Variants in CACNA2D3 observed in about 807,000 individuals in gnomAD.
The protein encoded by CACNA2D3 is calcium voltage-gated channel auxiliary subunit alpha2delta 3.
A neutral mutation model predicts 160.6 loss-of-function variants in CACNA2D3; 60 were observed. The observed-to-expected ratio is 0.37, with a 90% CI of 0.30 to 0.46. The LOEUF is 0.46. Among genes scored for constraint, CACNA2D3 ranks in the 20% least tolerant of loss-of-function variants. The pLI, the probability that CACNA2D3 is intolerant of heterozygous loss-of-function variation, is 1.00. For missense variants in CACNA2D3, 1,205 were observed against 1,365.0 expected, an observed-to-expected ratio of 0.88 and a Z score of 1.85; for synonymous variants, 558 against 492.9, an observed-to-expected ratio of 1.13 and a Z score of -1.75.
intron 14 of CACNA2D3, among the ~76,000 whole-genome samples, chr3:54,822,790 C>CTTTCTTTCTTTCTTT (rs1491160047): frequency 1.3e-4 from 9 of 71,958 alleles, no homozygotes; most frequent in South Asian, 5.4e-4. Context: ...TTCTTTCTTT[C>CTTTCTTTCTTTCTTT]CTTTCTTTCT....
intron 9 of CACNA2D3, 84 bp from the exon 10 acceptor site, chr3:54,627,703 C>A: frequency 1.2e-6 from 1 of 813,886 alleles, no homozygotes; most frequent in Admixed American, 2.0e-5. Context: ...ATTGGTCTTG[C>A]CATGGCGTAC....
At chr3:54,262,444 C>T (rs1464494862) in intron 2 of CACNA2D3, among the ~76,000 whole-genome samples, 2 of 152,162 alleles carry the variant, frequency 1.3e-5, no homozygotes, top group South Asian at 2.1e-4. Context: ...GCATTTATTC[C>T]TCTGCATCAC....
chr3:54,503,612 A>G lies in CACNA2D3; in HGVS notation c.502A>G (p.Ser168Gly). Residue 168 changes from serine to glycine, a missense_variant, in exon 5 of 38, where the codon AGT becomes GGT. Physicochemically the swap from Ser to Gly is moderately conservative, Grantham distance 56. Transcript: ENST00000474759. ...DHFNNLPVNI[S>G]LSDVQVPTNM... The stretch of plus-strand genomic sequence containing the variant: ...TTTTAATAATTTGCCTGTGAACATC[A>G]GTCTAAGTGACGTCCAAGTACCAAC... 3.1e-6 allele frequency: 5 copies of G among 1,613,940 alleles called. No homozygotes were observed. The highest frequency in any genetic ancestry group is 4.2e-6 in the Non-Finnish European group (5 of 1,179,816).
chr3:54,415,035 G>T (rs72973120), intron 4 of CACNA2D3, among the ~76,000 whole-genome samples: 1 of 151,868 alleles, frequency 6.6e-6, no homozygotes, highest in Admixed American at 6.6e-5. Flanking sequence ...TGTAAAGGGG[G>T]CATTTGGGGA....
intron 4 of CACNA2D3, among the ~76,000 whole-genome samples, chr3:54,428,223 A>G (rs1699937233): frequency 1.3e-5 from 2 of 152,216 alleles, no homozygotes; most frequent in Non-Finnish European, 2.9e-5. Context: ...TCGGCTGCAC[A>G]CAACAGTTAG....
At chr3:54,123,481 T>C (rs781666182) in intron 1 of CACNA2D3, 32 bp from the exon 2 acceptor site, 1 of 1,520,056 alleles carries the variant, frequency 6.6e-7, no homozygotes, top group South Asian at 1.1e-5. Context: ...ACACGGGTGT[T>C]ACATATCTTC....
intron 35 of CACNA2D3, among the ~76,000 whole-genome samples, chr3:55,052,532 A>G (rs1350524382): frequency 6.6e-6 from 1 of 151,958 alleles, no homozygotes; most frequent in Non-Finnish European, 1.5e-5. Context: ...CTATATTCTT[A>G]CAGATTTTCT....
chr3:54,964,920 C>T (rs1401293330), intron 27 of CACNA2D3, among the ~76,000 whole-genome samples: 2 of 152,006 alleles, frequency 1.3e-5, no homozygotes, highest in South Asian at 2.1e-4. Context: ...TCTCATTCTC[C>T]CATTTCCCAT....
At chr3:54,605,675 A>C (rs1698592622) in intron 9 of CACNA2D3, among the ~76,000 whole-genome samples, 1 of 152,116 alleles carries the variant, frequency 6.6e-6, no homozygotes, top group African/African-American at 2.4e-5. Flanking sequence ...CTAGTATGTA[A>C]GTTCTATGAG....
At position 54,677,139 on chromosome 3, in the gene CACNA2D3, T is replaced by C. The variant is rs566312962; in HGVS notation, c.1167+34898T>C. ...TACATGATTAAGTTTACAAGCTTTT[T>C]TTGTGCCCCCCAAATATGTAACTTT... is the stretch of plus-strand genomic sequence containing the variant. On this transcript the variant is annotated intron_variant, in intron 11 of 37. Coordinates refer to ENST00000474759, the MANE Select transcript of CACNA2D3 (RefSeq NM_018398.3). 7.2e-5 allele frequency among the ~76,000 whole-genome samples: 11 copies of C among 152,360 alleles called. No individual in the cohort carries two copies. The South Asian group carries it at 2.3e-3, about 32-fold the overall frequency.
chr3:54,414,422 A>G (rs1432788073), intron 4 of CACNA2D3, among the ~76,000 whole-genome samples: 2 of 152,138 alleles, frequency 1.3e-5, no homozygotes, highest in Non-Finnish European at 2.9e-5. Context: ...TACAGTAATG[A>G]TAATTGATAA....
chr3:54,474,921 A>T (rs1304653787), intron 4 of CACNA2D3, among the ~76,000 whole-genome samples: 1 of 152,172 alleles, frequency 6.6e-6, no homozygotes, highest in East Asian at 1.9e-4. Context: ...ATGCCTCTGT[A>T]ATCCAGTGGT....
At chr3:54,411,131 C>A (rs1302235401) in intron 4 of CACNA2D3, among the ~76,000 whole-genome samples, 1 of 152,120 alleles carries the variant, frequency 6.6e-6, no homozygotes, top group African/African-American at 2.4e-5. Context: ...GAATGAGAAG[C>A]TGATTCTTAT....
chr3:54,212,263 A>G (rs952337223), intron 2 of CACNA2D3, among the ~76,000 whole-genome samples: 1 of 152,164 alleles, frequency 6.6e-6, no homozygotes, highest in African/African-American at 2.4e-5. Flanking sequence ...GACATAATAC[A>G]TCAATCAGTA....
intron 26 of CACNA2D3, 114 bp downstream of exon 26, chr3:54,896,984 A>G: frequency 7.4e-7 from 1 of 1,351,316 alleles, no homozygotes; most frequent in Non-Finnish European, 1.0e-6. Context: ...TTCAACCCTC[A>G]GAGCCAGTGC....
intron 4 of CACNA2D3, among the ~76,000 whole-genome samples, chr3:54,415,763 T>C (rs1699744619): frequency 6.6e-6 from 1 of 152,170 alleles, no homozygotes; most frequent in Non-Finnish European, 1.5e-5. Flanking sequence ...AGAGGCCAAG[T>C]GATGGACCCA....
intron 35 of CACNA2D3, among the ~76,000 whole-genome samples, chr3:55,032,523 C>G (rs1347626056): frequency 2.0e-5 from 3 of 152,166 alleles, no homozygotes; most frequent in African/African-American, 7.2e-5. Flanking sequence ...CTTCCTCCCC[C>G]ATTAAACCAA....
chr3:54,963,237 C>G (rs1702072306), intron 27 of CACNA2D3, among the ~76,000 whole-genome samples: 1 of 152,160 alleles, frequency 6.6e-6, no homozygotes, highest in Non-Finnish European at 1.5e-5. Context: ...TCTAAACCCC[C>G]TATACCTAAG....
intron 11 of CACNA2D3, among the ~76,000 whole-genome samples, chr3:54,694,498 G>A (rs1700627077): frequency 6.6e-6 from 1 of 152,136 alleles, no homozygotes. Flanking sequence ...TTTTGCCTTG[G>A]ACTGGTGAAG....
Sources: allele counts gnomAD v4.1 joint callset (sites outside exome capture counted in the v4.1 genomes callset), GRCh38; gene constraint gnomAD v4.1.1; transcripts MANE v1.5; gene names NCBI Gene and HGNC (gene_info 2026-07-23, HGNC 2026-07-21).